The following LARGE1 variants were observed in gnomAD, a reference collection of about 807,000 sequenced individuals.
LARGE1 encodes LARGE xylosyl- and glucuronyltransferase 1, also known as xylosyl- and glucuronyltransferase LARGE1.
Under a neutral mutation model 87.6 loss-of-function variants are expected in LARGE1, and 43 were observed. The ratio of observed to expected loss-of-function variants is 0.49; its 90% CI spans 0.38 to 0.63. The LOEUF (loss-of-function observed/expected upper bound fraction) is 0.63. Among genes scored for constraint, LARGE1 ranks in the 30% least tolerant of loss-of-function variants. The pLI is 0.00. For missense variants in LARGE1, 802 were observed against 1,000.2 expected (o/e 0.80, Z 2.67); for synonymous variants, 434 against 394.6 (o/e 1.10, Z -1.18).
the LARGE1 span, among the ~76,000 whole-genome samples, chr22:33,118,504 GA>G: frequency 0.059 from 4,726 of 80,426 alleles, 237 homozygotes; most frequent in African/African-American, 0.16. Context: ...AAAGAAAAAA[GA>G]AAAAAAAAAA....
chr22:33,338,359 ACGC>A, intron 9 of LARGE1, among the ~76,000 whole-genome samples: 1 of 152,104 alleles, frequency 6.6e-6, no homozygotes, highest in East Asian at 1.9e-4. Flanking sequence ...CACTCAGAAC[ACGC>A]TTCGCTGTCC....
chr22:33,290,600 A>G lies in LARGE1; in HGVS notation c.1731-7252T>C, dbSNP rs199698663. ...CCATGGAGGAGTCACCGGCAGTTGG[A>G]GGTGGCTGAGAAGTCAAATGAGATG... On this transcript the variant is annotated intron_variant, in intron 12 of 14. Coordinates refer to ENST00000397394, the MANE Select transcript of LARGE1 (RefSeq NM_133642.5). Among the ~76,000 whole-genome samples, 583 of 152,300 alleles carry G rather than the reference A, an allele frequency of 3.8e-3. 2 individuals carry two copies. Among genetic ancestry groups the G allele is most frequent in the Middle Eastern group, 0.021 (6 of 292 alleles).
At chr22:33,117,241 CAG>C in the LARGE1 span, among the ~76,000 whole-genome samples, 1 of 152,166 alleles carries the variant, frequency 6.6e-6, no homozygotes, top group Non-Finnish European at 1.5e-5. Context: ...CTCTAGTTTT[CAG>C]AGATTCTGGG....
chr22:33,874,194 G>C (rs1353380362), intron 1 of LARGE1, among the ~76,000 whole-genome samples: 1 of 152,140 alleles, frequency 6.6e-6, no homozygotes. Context: ...CTGAATCCGG[G>C]GACAGGACCT....
At chr22:33,883,991 G>A (rs528291536) in intron 1 of LARGE1, among the ~76,000 whole-genome samples, 6 of 152,320 alleles carry the variant, frequency 3.9e-5, no homozygotes, top group Middle Eastern at 3.4e-3. Context: ...GCAGGGACTC[G>A]TGTCCCTTGG....
intron 2 of LARGE1, among the ~76,000 whole-genome samples, chr22:33,755,574 T>C (rs769534501): frequency 6.6e-5 from 10 of 152,128 alleles, no homozygotes; most frequent in Non-Finnish European, 1.0e-4. Flanking sequence ...GTGATTCTGA[T>C]AGAAAATAAC....
chr22:33,231,426 A>G (rs1378638918), intron 11 of LARGE1, among the ~76,000 whole-genome samples: 2 of 152,264 alleles, frequency 1.3e-5, no homozygotes, highest in African/African-American at 4.8e-5. Context: ...CACATTTCAT[A>G]GGGCACTTGA....
chr22:33,304,129 C>G, intron 12 of LARGE1, 100 bp downstream of exon 12: 1 of 1,361,602 alleles, frequency 7.3e-7, no homozygotes, highest in South Asian at 1.2e-5. Flanking sequence ...GGAAAAGAAA[C>G]CTGTTGGACT....
chr22:33,346,269 CTCTT>C lies in LARGE1; in HGVS notation c.1132-8472_1132-8469del, dbSNP rs200030606. Among the ~76,000 whole-genome samples the C allele has an allele frequency of 8.5e-3, 1,246 of 147,004 alleles. 20 individuals are homozygous for C. The highest frequency in any genetic ancestry group is 0.028 in the African/African-American group (1,115 of 40,382). On this transcript the variant is annotated intron_variant, in intron 9 of 14. Transcript: ENST00000397394. The stretch of plus-strand genomic sequence containing the variant: ...CTTCCTTCCTCTCTTCTCTCTCTCT[CTCTT>C]TCTTTCCTCCTCCTCCTCCTCCTTC...
intron 3 of LARGE1, among the ~76,000 whole-genome samples, chr22:33,640,452 C>T (rs1569333949): frequency 6.6e-6 from 1 of 152,140 alleles, no homozygotes; most frequent in Non-Finnish European, 1.5e-5. Context: ...AGAACAAAAC[C>T]TAATTCTCAA....
At position 33,564,851 on chromosome 22, in the gene LARGE1, T is replaced by G; in HGVS notation, c.784A>C (p.Lys262Gln). 6.2e-7 allele frequency: 1 copy of G among 1,614,210 alleles called. No individual in the cohort carries two copies. The highest frequency in any genetic ancestry group is 2.2e-5 in the East Asian group (1 of 44,880). Residue 262 changes from lysine (K) to glutamine (Q), a missense_variant, in exon 6 of 15, where the codon AAA becomes CAA. Around this residue, in one of 2 missense-constraint regions of LARGE1, gnomAD observed 625 missense variants for 841.9 expected, o/e 0.74. Transcript: ENST00000397394. ...AELWAVFHKF[K>Q]GQQVLGLVEN... ...AAAACGAATGGGCTACCATTACCTT[T>G]GAACTTGTGGAACACAGCCCACAGC...
intron 6 of LARGE1, among the ~76,000 whole-genome samples, chr22:33,442,795 T>C (rs2067525752): frequency 8.1e-6 from 1 of 122,888 alleles, no homozygotes; most frequent in Admixed American, 7.7e-5. Context: ...TACTGATAGC[T>C]TTTTTTTTTT....
At chr22:33,785,012 TATAC>T (rs779861622) in intron 1 of LARGE1, among the ~76,000 whole-genome samples, 11 of 150,826 alleles carry the variant, frequency 7.3e-5, no homozygotes, top group South Asian at 2.1e-4. Flanking sequence ...CATATATGTG[TATAC>T]ATACATATGT....
intron 1 of LARGE1, among the ~76,000 whole-genome samples, chr22:33,856,269 A>C (rs1310874305): frequency 6.6e-6 from 1 of 152,174 alleles, no homozygotes; most frequent in Admixed American, 6.5e-5. Context: ...CTCCACCCAG[A>C]CAAACACATG....
At chr22:33,401,478 AT>A (rs1381320237) in intron 7 of LARGE1, among the ~76,000 whole-genome samples, 2 of 152,184 alleles carry the variant, frequency 1.3e-5, no homozygotes, top group Non-Finnish European at 2.9e-5. Context: ...CATAAAAAAA[AT>A]AAAAAGAAAA....
chr22:33,477,148 A>G (rs1397943390), intron 6 of LARGE1, among the ~76,000 whole-genome samples: 1 of 152,226 alleles, frequency 6.6e-6, no homozygotes, highest in African/African-American at 2.4e-5. Flanking sequence ...ATGTTCTCAG[A>G]AAAAGCCCCA....
At chr22:33,818,199 G>T (rs2086713883) in intron 1 of LARGE1, among the ~76,000 whole-genome samples, 2 of 152,156 alleles carry the variant, frequency 1.3e-5, no homozygotes, top group South Asian at 4.1e-4. Flanking sequence ...CCATCCAGCT[G>T]TGCCCCCTCA....
chr22:33,740,257 A>C (rs2083829073), intron 2 of LARGE1, among the ~76,000 whole-genome samples: 1 of 152,136 alleles, frequency 6.6e-6, no homozygotes, highest in Non-Finnish European at 1.5e-5. Flanking sequence ...ATGTCCCCAG[A>C]TACTTAGGTG....
chr22:33,820,306 T>C (rs1016160349), intron 1 of LARGE1, among the ~76,000 whole-genome samples: 2 of 152,136 alleles, frequency 1.3e-5, no homozygotes, highest in Admixed American at 1.3e-4. Context: ...TTGCCATAAC[T>C]TCTATTCTCA....
Sources: gnomAD v4.1 joint callset for allele counts (sites outside exome capture counted in the v4.1 genomes callset) on GRCh38, gnomAD v4.1.1 for gene constraint, gnomAD v4.1.1 regional missense constraint, MANE v1.5 for transcripts, NCBI Gene and HGNC (gene_info 2026-07-23, HGNC 2026-07-21) for gene names.